Variants in PXDNL observed in about 807,000 individuals in gnomAD.
PXDNL encodes the protein probable oxidoreductase PXDNL.
PXDNL carries 145 observed loss-of-function variants against 150.8 expected under a neutral mutation model. The observed-to-expected ratio is 0.96, with a 90% CI of 0.84 to 1.10. PXDNL has a LOEUF of 1.10. Among genes scored for constraint, PXDNL ranks in the 50% least tolerant of loss-of-function variants. The pLI is 0.00. For synonymous variants in PXDNL, 757 were observed against 725.7 expected (o/e 1.04, Z -0.69); for missense variants, 2,087 against 1,873.9 (o/e 1.11, Z -2.10).
intron 2 of PXDNL, among the ~76,000 whole-genome samples, chr8:51,597,739 A>T (rs1241290638): frequency 2.1e-5 from 3 of 140,438 alleles, no homozygotes. Context: ...TTTGAGATGG[A>T]GTTTCACTCT....
intron 3 of PXDNL, among the ~76,000 whole-genome samples, chr8:51,587,388 AT>A (rs1323181521): frequency 6.6e-6 from 1 of 152,136 alleles, no homozygotes. Flanking sequence ...AAACAATTGT[AT>A]TTTTTTAATT....
chr8:51,792,200 C>A (rs1346156497), intron 1 of PXDNL, among the ~76,000 whole-genome samples: 1 of 151,892 alleles, frequency 6.6e-6, no homozygotes, highest in Non-Finnish European at 1.5e-5. Context: ...ATGAAAATGG[C>A]GAGTGAATCC....
intron 1 of PXDNL, among the ~76,000 whole-genome samples, chr8:51,678,140 AT>A (rs889073729): frequency 6.6e-6 from 1 of 152,222 alleles, no homozygotes; most frequent in African/African-American, 2.4e-5. Context: ...TTCTTGAAGC[AT>A]TTGTCCTGAC....
intron 14 of PXDNL, among the ~76,000 whole-genome samples, chr8:51,420,874 G>T (rs563609367): frequency 6.6e-6 from 1 of 152,258 alleles, no homozygotes; most frequent in Non-Finnish European, 1.5e-5. Flanking sequence ...ATTTTTAGTA[G>T]AGACAGGGTT....
At chr8:51,606,474 A>G (rs1318616491) in intron 2 of PXDNL, among the ~76,000 whole-genome samples, 4 of 152,192 alleles carry the variant, frequency 2.6e-5, no homozygotes, top group Non-Finnish European at 5.9e-5. Flanking sequence ...ACCTTTAGGT[A>G]TATGCATTTG....
chr8:51,758,770 A>G (rs1329766564), intron 1 of PXDNL, among the ~76,000 whole-genome samples: 1 of 152,150 alleles, frequency 6.6e-6, no homozygotes, highest in African/African-American at 2.4e-5. Flanking sequence ...TGAGTCAATT[A>G]AACCTCTTTC....
In PXDNL at chr8:51,411,386, G is replaced by T; in HGVS notation, c.1926C>A (p.Asp642Glu). 1 of 1,571,486 alleles carries T rather than the reference G, an allele frequency of 6.4e-7. No individual in the cohort carries two copies. Among genetic ancestry groups the T allele is most frequent in the Non-Finnish European group, 8.6e-7 (1 of 1,165,020 alleles). ...GCGGGTAATGAAATTGAGCCAGCAGGTCACTGGAGGTGTGAGGTTTTCTGC... is the reference window on the plus strand; with the variant it reads ...GCGGGTAATGAAATTGAGCCAGCAGTTCACTGGAGGTGTGAGGTTTTCTGC... ...LFSQKPHTSS[D>E]LLAQFHYPRD... The change falls in exon 16 of 23, where the codon GAC becomes GAA. Residue 642 changes from aspartate (D) to glutamate (E), a missense_variant. Asp to Glu is a conservative substitution (Grantham distance 45). Coordinates refer to ENST00000356297, the MANE Select transcript of PXDNL (RefSeq NM_144651.5).
chr8:51,736,657 T>G (rs1340112609), intron 1 of PXDNL, among the ~76,000 whole-genome samples: 1 of 152,206 alleles, frequency 6.6e-6, no homozygotes, highest in Non-Finnish European at 1.5e-5. Context: ...CTATCCTCAC[T>G]TTGGCTAAGG....
intron 2 of PXDNL, among the ~76,000 whole-genome samples, chr8:51,637,482 T>A (rs912435232): frequency 6.6e-6 from 1 of 152,064 alleles, no homozygotes; most frequent in Non-Finnish European, 1.5e-5. Context: ...CTAACTAGAA[T>A]AAACAGTGTA....
intron 1 of PXDNL, among the ~76,000 whole-genome samples, chr8:51,804,573 T>C (rs1367044987): frequency 6.6e-6 from 1 of 152,178 alleles, no homozygotes; most frequent in Non-Finnish European, 1.5e-5. Flanking sequence ...TGTACTGTCA[T>C]TCAACTTTTC....
rs777379672 is a variant in PXDNL, at chr8:51,408,857, C to A, written c.2767G>T (p.Gly923Cys). 4.4e-6 allele frequency: 7 copies of A among 1,582,814 alleles called. No homozygotes were observed. Among genetic ancestry groups the A allele is most frequent in the Non-Finnish European group, 6.0e-6 (7 of 1,165,378 alleles). The change falls in exon 17 of 23, where the codon GGC becomes TGC. Residue 923 changes from glycine (G) to cysteine (C), a missense_variant. Physicochemically the swap from Gly to Cys is radical, Grantham distance 159 (BLOSUM62 -3). Transcript: ENST00000356297. ...TTTCCGGAGGGAGGCCAAGGAAAGC[C>A]TGTCTTCAGGAGACCCCGAGGCACC... Reference protein sequence around the residue: ...PSVPRGLLKTGFPWPPSGKPL... With the variant: ...PSVPRGLLKTCFPWPPSGKPL...
chr8:51,413,426 T>A (rs1270872225), intron 14 of PXDNL, among the ~76,000 whole-genome samples, 168 bp from the exon 15 acceptor site: 1 of 151,928 alleles, frequency 6.6e-6, no homozygotes, highest in Non-Finnish European at 1.5e-5. Flanking sequence ...TGCAGAGAGG[T>A]AGGTAATTAT....
intron 21 of PXDNL, among the ~76,000 whole-genome samples, chr8:51,321,748 A>T (rs1369764048): frequency 6.6e-6 from 1 of 152,154 alleles, no homozygotes; most frequent in Non-Finnish European, 1.5e-5. Context: ...CTGTAAGTCA[A>T]CTAAACCTAT....
At chr8:51,426,339 A>C (rs553267321) in intron 13 of PXDNL, among the ~76,000 whole-genome samples, 1 of 152,292 alleles carries the variant, frequency 6.6e-6, no homozygotes, top group African/African-American at 2.4e-5. Flanking sequence ...TTAGCCACTA[A>C]ACTCTTAATT....
intron 1 of PXDNL, among the ~76,000 whole-genome samples, chr8:51,771,986 G>A (rs2037300795): frequency 6.6e-6 from 1 of 151,976 alleles, no homozygotes; most frequent in Admixed American, 6.6e-5. Context: ...AAGAGAGAGT[G>A]GGTCATGTGA....
chr8:51,724,055 C>G (rs1816779370), intron 1 of PXDNL, among the ~76,000 whole-genome samples: 1 of 147,514 alleles, frequency 6.8e-6, no homozygotes, highest in African/African-American at 2.5e-5. Context: ...GAACAGGCCT[C>G]TCTTGGCTAT....
Position 51,408,084 on chromosome 8 carries a change from A to G in PXDNL, c.3540T>C (p.Ile1180=), listed in dbSNP as rs1473064117. ...DLQNEIKDSE[I]RQKLRKLYGS... is the part of the protein sequence containing the mutation. ...ATACTTACTTTCTCAGTTTTTGTCT[A>G]ATCTCTGAATCTTTAATTTCATTTT... Residue 1180 remains isoleucine, a synonymous_variant, in exon 17 of 23, where the codon ATT becomes ATC. Coordinates refer to ENST00000356297, the MANE Select transcript of PXDNL (RefSeq NM_144651.5). 6.2e-7 allele frequency: 1 copy of G among 1,604,248 alleles called. No individual in the cohort carries two copies. Among genetic ancestry groups the G allele is most frequent in the Non-Finnish European group, 8.5e-7 (1 of 1,176,840 alleles).
chr8:51,432,216 A>G lies in PXDNL; in HGVS notation c.1526-5458T>C, dbSNP rs545131066. 4.9e-4 allele frequency among the ~76,000 whole-genome samples: 74 copies of G among 152,332 alleles called. 1 individual carries two copies. The highest frequency in any genetic ancestry group is 4.4e-3 in the Admixed American group (68 of 15,308). ...TGTGGATAATGAGTTGCCCAGGACT[A>G]TTACTGAGAAGCCATAGTTTCTGCA... On this transcript the variant is annotated intron_variant, in intron 12 of 22. Transcript: ENST00000356297.
intron 17 of PXDNL, among the ~76,000 whole-genome samples, chr8:51,402,935 A>G (rs931674390): frequency 3.9e-5 from 5 of 127,802 alleles, no homozygotes; most frequent in Admixed American, 8.1e-5. Context: ...ACACACACAC[A>G]CAAAATTAGC....
Sources: allele counts gnomAD v4.1 joint callset (sites outside exome capture counted in the v4.1 genomes callset), GRCh38; gene constraint gnomAD v4.1.1; transcripts MANE v1.5; gene names NCBI Gene and HGNC (gene_info 2026-07-23, HGNC 2026-07-21).